COX7B2: variants seen among roughly 807,000 people sequenced by gnomAD.
The protein encoded by COX7B2 is cytochrome c oxidase subunit 7B2, mitochondrial.
For synonymous variants in COX7B2, 37 were observed against 32.1 expected (o/e 1.15, Z -0.51); for missense variants, 109 against 95.9 (o/e 1.14, Z -0.57).
At chr4:46,827,867 T>A (rs1215341777) in intron 2 of COX7B2, among the ~76,000 whole-genome samples, 1 of 152,174 alleles carries the variant, frequency 6.6e-6, no homozygotes, top group African/African-American at 2.4e-5. Flanking sequence ...TTATATGACA[T>A]TCTAGAAGAA....
At position 46,734,830 on chromosome 4, in the gene COX7B2, T is replaced by A; in HGVS notation, c.*117A>T. On this transcript the variant is annotated 3_prime_UTR_variant, in exon 3 of 3. Transcript: ENST00000355591. ...TATAATGACCATTTGCAATGACTTT[T>A]TAAAGATTTAAAACACATTTTATTT... The A allele has an allele frequency of 2.4e-6, 3 of 1,240,882 alleles. No individual in the cohort carries two copies. The highest frequency in any genetic ancestry group is 2.7e-5 in the South Asian group (2 of 75,398). 76.9% of individuals were successfully genotyped at this position (1,240,882 alleles called of 1,614,324 possible).
chr4:46,793,532 G>GT (rs1718159082), intron 2 of COX7B2, among the ~76,000 whole-genome samples: 1 of 152,302 alleles, frequency 6.6e-6, no homozygotes, highest in South Asian at 2.1e-4. Flanking sequence ...AACAAATATA[G>GT]TAAGTTTGGC....
chr4:46,740,476 TA>T (rs1191380532), intron 2 of COX7B2, among the ~76,000 whole-genome samples: 2 of 152,104 alleles, frequency 1.3e-5, no homozygotes, highest in African/African-American at 4.8e-5. Flanking sequence ...TATTTTGTAA[TA>T]AAATAATTTA....
At chr4:46,877,541 G>T (rs1718422539) in intron 1 of COX7B2, among the ~76,000 whole-genome samples, 1 of 151,964 alleles carries the variant, frequency 6.6e-6, no homozygotes, top group African/African-American at 2.4e-5. Context: ...TACTAACAAA[G>T]AAACCCAATT....
intron 2 of COX7B2, among the ~76,000 whole-genome samples, chr4:46,791,299 G>A (rs569938146): frequency 5.7e-4 from 86 of 151,952 alleles, no homozygotes; most frequent in African/African-American, 1.8e-3. Flanking sequence ...GTGAGCCACC[G>A]TGCCCAGCAA....
At chr4:46,858,495 C>T (rs1358897565) in intron 1 of COX7B2, among the ~76,000 whole-genome samples, 3 of 151,760 alleles carry the variant, frequency 2.0e-5, no homozygotes, top group African/African-American at 4.9e-5. Flanking sequence ...ATATTTAATA[C>T]ATTTTAAACA....
intron 1 of COX7B2, among the ~76,000 whole-genome samples, chr4:46,891,595 C>T (rs369401623): frequency 1.8e-4 from 27 of 152,294 alleles, no homozygotes; most frequent in East Asian, 1.2e-3. Context: ...TGGAAACACA[C>T]TACCTTAGAT....
intron 2 of COX7B2, among the ~76,000 whole-genome samples, chr4:46,833,388 G>T (rs796648201): frequency 2.0e-5 from 3 of 152,292 alleles, no homozygotes; most frequent in African/African-American, 7.2e-5. Context: ...GAGAAAAGAG[G>T]TTAGAAATAG....
intron 1 of COX7B2, among the ~76,000 whole-genome samples, chr4:46,906,124 C>T (rs907996951): frequency 1.3e-5 from 2 of 152,128 alleles, no homozygotes; most frequent in Non-Finnish European, 2.9e-5. Flanking sequence ...CCACCGCACC[C>T]GGCCCCATAT....
chr4:46,753,400 A>G (rs1331627381), intron 2 of COX7B2, among the ~76,000 whole-genome samples: 5 of 152,106 alleles, frequency 3.3e-5, no homozygotes, highest in Non-Finnish European at 7.3e-5. Flanking sequence ...GCCCTCAGAA[A>G]TAATACCACA....
At chr4:46,869,779 C>A (rs1341105403) in intron 1 of COX7B2, among the ~76,000 whole-genome samples, 1 of 151,938 alleles carries the variant, frequency 6.6e-6, no homozygotes, top group South Asian at 2.1e-4. Context: ...AGGTGACCTG[C>A]CATTTCTCTC....
chr4:46,796,682 G>C (rs1291579144), intron 2 of COX7B2, among the ~76,000 whole-genome samples: 2 of 42,428 alleles, frequency 4.7e-5, no homozygotes, highest in Admixed American at 3.1e-4. Context: ...GCAAAGACTT[G>C]GAACCAACCC....
At chr4:46,899,609 T>G (rs1011529476) in intron 1 of COX7B2, among the ~76,000 whole-genome samples, 1 of 152,172 alleles carries the variant, frequency 6.6e-6, no homozygotes, top group African/African-American at 2.4e-5. Context: ...AGCTAAATAG[T>G]TGGCCTTTCA....
intron 1 of COX7B2, among the ~76,000 whole-genome samples, chr4:46,896,824 G>T (rs1440328335): frequency 1.3e-5 from 2 of 152,164 alleles, no homozygotes; most frequent in African/African-American, 4.8e-5. Context: ...GAAGGAGAAT[G>T]TGCTTTATCA....
At chr4:46,798,043 C>T (rs1432215656) in intron 2 of COX7B2, among the ~76,000 whole-genome samples, 1 of 152,144 alleles carries the variant, frequency 6.6e-6, no homozygotes, top group Non-Finnish European at 1.5e-5. Flanking sequence ...TCATGCTTGT[C>T]TATTACATTG....
intron 2 of COX7B2, among the ~76,000 whole-genome samples, chr4:46,778,205 A>G (rs968390963): frequency 2.6e-5 from 4 of 152,180 alleles, no homozygotes; most frequent in African/African-American, 7.2e-5. Flanking sequence ...GAAAATTTCA[A>G]GATTCTTTCT....
At chr4:46,743,756 C>G (rs1714850186) in intron 2 of COX7B2, among the ~76,000 whole-genome samples, 1 of 152,098 alleles carries the variant, frequency 6.6e-6, no homozygotes, top group Admixed American at 6.5e-5. Flanking sequence ...GCTAAACATG[C>G]CATGCTTTTT....
At chr4:46,901,729 A>C (rs1720081563) in intron 1 of COX7B2, among the ~76,000 whole-genome samples, 1 of 152,222 alleles carries the variant, frequency 6.6e-6, no homozygotes, top group Non-Finnish European at 1.5e-5. Flanking sequence ...ATGGCAGAGA[A>C]GGGTGAGCCA....
At chr4:46,748,868 G>T (rs1395180380) in intron 2 of COX7B2, among the ~76,000 whole-genome samples, 6 of 152,030 alleles carry the variant, frequency 3.9e-5, no homozygotes, top group Non-Finnish European at 7.4e-5. Context: ...TCACTAGGTA[G>T]TTCAACCACA....
Sources: gnomAD v4.1 joint callset for allele counts (sites outside exome capture counted in the v4.1 genomes callset) on GRCh38, gnomAD v4.1.1 for gene constraint, MANE v1.5 for transcripts, NCBI Gene and HGNC (gene_info 2026-07-23, HGNC 2026-07-21) for gene names.